Variants in LRRIQ1 observed in about 807,000 individuals in gnomAD.
LRRIQ1 encodes the protein leucine rich repeats and IQ motif containing 1.
Under a neutral mutation model 211.9 loss-of-function variants are expected in LRRIQ1, and 210 were observed. That is an observed-to-expected ratio of 0.99 (90% CI 0.89 to 1.11). The LOEUF (loss-of-function observed/expected upper bound fraction) is 1.11, where lower values mean the gene tolerates loss of function less well. Among genes scored for constraint, LRRIQ1 ranks in the 50% most tolerant of loss-of-function variants. The probability of loss-of-function intolerance (pLI) is 0.00; values close to 1 mark genes in which losing one functional copy is unlikely to be tolerated. For synonymous variants in LRRIQ1, 699 were observed against 650.1 expected, an observed-to-expected ratio of 1.08 and a Z score of -1.14; for missense variants, 2,136 against 1,939.5, an observed-to-expected ratio of 1.10 and a Z score of -1.90.
At chr12:85,081,667 A>C (rs1194477813) in intron 11 of LRRIQ1, among the ~76,000 whole-genome samples, 1 of 150,922 alleles carries the variant, frequency 6.6e-6, no homozygotes, top group Admixed American at 6.6e-5. Flanking sequence ...ATTTTTATAA[A>C]GTTTAATTAT....
chr12:85,193,674 A>G (rs1369485272), intron 24 of LRRIQ1, among the ~76,000 whole-genome samples: 5 of 152,260 alleles, frequency 3.3e-5, no homozygotes, highest in East Asian at 1.9e-4. Context: ...TAAAGGAAGC[A>G]CTAAACATGG....
chr12:85,219,648 A>G (rs1045545657), intron 24 of LRRIQ1, among the ~76,000 whole-genome samples: 2 of 152,016 alleles, frequency 1.3e-5, no homozygotes, highest in African/African-American at 4.8e-5. Context: ...GACTGGTGCT[A>G]ATGTTAGCCT....
intron 11 of LRRIQ1, among the ~76,000 whole-genome samples, chr12:85,089,564 A>T (rs1280552390): frequency 6.6e-6 from 1 of 152,194 alleles, no homozygotes; most frequent in African/African-American, 2.4e-5. Context: ...TGCCTTAGCA[A>T]AGAGTGAGGC....
intron 15 of LRRIQ1, among the ~76,000 whole-genome samples, chr12:85,111,276 A>G (rs759967461): frequency 1.3e-5 from 2 of 152,128 alleles, no homozygotes; most frequent in Non-Finnish European, 2.9e-5. Flanking sequence ...CAACTGACAT[A>G]TAACCACTCT....
intron 24 of LRRIQ1, among the ~76,000 whole-genome samples, chr12:85,203,825 T>G (rs1332057880): frequency 6.6e-6 from 1 of 152,140 alleles, no homozygotes; most frequent in Non-Finnish European, 1.5e-5. Flanking sequence ...ATGAGGAATT[T>G]GCAGCCTGAC....
At chr12:85,101,507 A>T (rs1886344351) in intron 13 of LRRIQ1, among the ~76,000 whole-genome samples, 1 of 151,708 alleles carries the variant, frequency 6.6e-6, no homozygotes, top group Admixed American at 6.6e-5. Flanking sequence ...ATATCTTTTT[A>T]ATGCCCAGGG....
intron 24 of LRRIQ1, chr12:85,162,931 T>C (rs1460856698): frequency 2.7e-6 from 1 of 369,060 alleles, no homozygotes; most frequent in Non-Finnish European, 5.2e-6. Context: ...ATATGGAAGT[T>C]TTTTTTAACA....
intron 19 of LRRIQ1, among the ~76,000 whole-genome samples, chr12:85,144,528 T>C (rs1029020929): frequency 1.3e-5 from 2 of 151,586 alleles, no homozygotes; most frequent in African/African-American, 4.8e-5. Flanking sequence ...ATAAGTTTCA[T>C]ATAAACAAAA....
In LRRIQ1 at chr12:85,093,145, C is replaced by T. The variant is rs1005912110; in HGVS notation, c.2888-5210C>T. Among the ~76,000 whole-genome samples, 5 of 152,166 alleles carry T rather than the reference C, an allele frequency of 3.3e-5. 1 individual carries two copies. Among genetic ancestry groups the T allele is most frequent in the Non-Finnish European group, 1.5e-5 (1 of 68,028 alleles). ...TGTGCATGAGGATATGTTATGTACA[C>T]TTTTGTTGTCAACCAACACAACAGC... On this transcript the variant is annotated intron_variant, in intron 11 of 26. Transcript: ENST00000393217.
At chr12:85,046,606 G>A (rs1479435012) in intron 5 of LRRIQ1, among the ~76,000 whole-genome samples, 1 of 152,108 alleles carries the variant, frequency 6.6e-6, no homozygotes, top group African/African-American at 2.4e-5. Flanking sequence ...ATTCCTCAAG[G>A]ATCTAGAATT....
At chr12:85,162,266 G>A (rs1196129186) in intron 24 of LRRIQ1, among the ~76,000 whole-genome samples, 1 of 151,954 alleles carries the variant, frequency 6.6e-6, no homozygotes, top group African/African-American at 2.4e-5. Context: ...TTAATATTTT[G>A]ATAGAATTAA....
chr12:85,055,134 C>A (rs1880826193), intron 7 of LRRIQ1, among the ~76,000 whole-genome samples: 1 of 152,190 alleles, frequency 6.6e-6, no homozygotes, highest in Admixed American at 6.5e-5. Flanking sequence ...AGTCTCAATA[C>A]TAGCTCTGAG....
intron 10 of LRRIQ1, among the ~76,000 whole-genome samples, chr12:85,071,354 A>G (rs923455204): frequency 6.6e-6 from 1 of 151,982 alleles, no homozygotes; most frequent in African/African-American, 2.4e-5. Context: ...TTAACAACAT[A>G]TTATGGAACT....
At chr12:85,267,137 A>G (rs774222707), downstream of LRRIQ1, among the ~76,000 whole-genome samples, 8 of 152,104 alleles carry the variant, frequency 5.3e-5, no homozygotes, top group Non-Finnish European at 1.2e-4. Flanking sequence ...ACGCTATAAT[A>G]GAAACTTTCA....
intron 24 of LRRIQ1, among the ~76,000 whole-genome samples, chr12:85,214,384 C>T (rs979404913): frequency 6.6e-6 from 1 of 152,054 alleles, no homozygotes; most frequent in Non-Finnish European, 1.5e-5. Context: ...TCAAAATCCA[C>T]AAATAGCCAA....
At chr12:85,174,901 G>T (rs1891615376) in intron 24 of LRRIQ1, among the ~76,000 whole-genome samples, 1 of 151,868 alleles carries the variant, frequency 6.6e-6, no homozygotes, top group Non-Finnish European at 1.5e-5. Flanking sequence ...TTTGAAAAAT[G>T]TCATAAAACC....
At chr12:85,259,944 A>G (rs1203583194) in intron 1 of LRRIQ1, among the ~76,000 whole-genome samples, 3 of 152,184 alleles carry the variant, frequency 2.0e-5, no homozygotes, top group Non-Finnish European at 2.9e-5. Flanking sequence ...TGTCAATAGA[A>G]AAGTCCCTTA....
At chr12:85,189,197 A>G (rs1441702374) in intron 24 of LRRIQ1, among the ~76,000 whole-genome samples, 1 of 152,130 alleles carries the variant, frequency 6.6e-6, no homozygotes, top group Non-Finnish European at 1.5e-5. Context: ...TCCAAGAATG[A>G]TTAGCTCTTG....
Position 85,038,145 on chromosome 12 carries a change from T to A in LRRIQ1, c.-24-8T>A, listed in dbSNP as rs754551249. On this transcript the variant is annotated splice_polypyrimidine_tract_variant and splice_region_variant and intron_variant, in intron 1 of 26. Transcript: ENST00000393217. ...GTGACATATTAGCCTCTTCATTTTTTAAAGCAGTTCTGTGCTTTATTATGA... is the reference window on the plus strand; with the variant it reads ...GTGACATATTAGCCTCTTCATTTTTAAAAGCAGTTCTGTGCTTTATTATGA... 7.7e-6 allele frequency: 11 copies of A among 1,420,254 alleles called. No individual in the cohort carries two copies. Among genetic ancestry groups the A allele is most frequent in the Non-Finnish European group, 9.3e-6 (10 of 1,077,994 alleles). 88.0% of individuals were successfully genotyped at this position (1,420,254 alleles called of 1,614,324 possible).
Sources: gnomAD v4.1 joint callset for allele counts (sites outside exome capture counted in the v4.1 genomes callset) on GRCh38, gnomAD v4.1.1 for gene constraint, MANE v1.5 for transcripts, NCBI Gene and HGNC (gene_info 2026-07-23, HGNC 2026-07-21) for gene names.